Variants in DHX30 observed in about 807,000 individuals in gnomAD.
The protein encoded by DHX30 is DExH-box helicase 30, also known as ATP-dependent RNA helicase DHX30.
Under a neutral mutation model 116.9 loss-of-function variants are expected in DHX30, and 4 were observed. That is an observed-to-expected ratio of 0.03 (90% confidence interval 0.02 to 0.08). The LOEUF is 0.08. Among genes scored for constraint, DHX30 ranks in the 10% least tolerant of loss-of-function variants. DHX30 has a pLI of 1.00. For synonymous variants in DHX30, 697 were observed against 651.7 expected (o/e 1.07, Z -1.06); for missense variants, 871 against 1,595.1 (o/e 0.55, Z 7.73).
chr3:47,809,194 T>C (rs2035672074), intron 2 of DHX30, among the ~76,000 whole-genome samples: 1 of 151,664 alleles, frequency 6.6e-6, no homozygotes, highest in Non-Finnish European at 1.5e-5. Context: ...ACACACTTTT[T>C]ATTTTCATTT....
At chr3:47,835,387 C>T (rs1240873200) in intron 6 of DHX30, among the ~76,000 whole-genome samples, 9 of 152,184 alleles carry the variant, frequency 5.9e-5, no homozygotes, top group East Asian at 1.9e-4. Context: ...AGGCTGGTCT[C>T]GAACTCCTGA....
chr3:47,822,991 G>T (rs1325591608), intron 4 of DHX30, among the ~76,000 whole-genome samples: 1 of 150,806 alleles, frequency 6.6e-6, no homozygotes, highest in Non-Finnish European at 1.5e-5. Context: ...TACTTGGGGG[G>T]CTGAGCCAGG....
At chr3:47,829,314 A>ATATTT (rs1177077114) in intron 6 of DHX30, among the ~76,000 whole-genome samples, 180 bp downstream of exon 6, 53 of 34,186 alleles carry the variant, frequency 1.6e-3, no homozygotes, top group Admixed American at 2.6e-3. Flanking sequence ...ATATATATAT[A>ATATTT]TTTTTTTTTT....
intron 10 of DHX30, 68 bp from the exon 11 acceptor site, chr3:47,846,097 A>AGAGT: frequency 6.5e-7 from 1 of 1,529,076 alleles, no homozygotes; most frequent in South Asian, 1.2e-5. Flanking sequence ...CGAATCCTGC[A>AGAGT]GAGTGGCTGG....
At chr3:47,835,689 G>A (rs541952556) in intron 6 of DHX30, among the ~76,000 whole-genome samples, 9 of 152,310 alleles carry the variant, frequency 5.9e-5, no homozygotes, top group East Asian at 3.9e-4. Flanking sequence ...TGGTCCACCC[G>A]CCTCAGCCTC....
At position 47,848,676 on chromosome 3, in the gene DHX30, C is replaced by G. The variant is rs1342716640; in HGVS notation, c.2628C>G (p.His876Gln). 1 of 1,614,106 alleles carries G rather than the reference C, an allele frequency of 6.2e-7. No individual in the cohort carries two copies. The highest frequency in any genetic ancestry group is 8.5e-7 in the Non-Finnish European group (1 of 1,179,990). ...YLTTLGQRLA[H>Q]ISTDPRLAKA... Reference sequence around the variant, plus strand: ...CTACCCTGGGGCAGCGCCTGGCTCACATCTCCACCGACCCCCGGTTGGCCA... The same window carrying G: ...CTACCCTGGGGCAGCGCCTGGCTCAGATCTCCACCGACCCCCGGTTGGCCA... The change falls in exon 17 of 22, where the codon CAC (histidine) becomes CAG (glutamine). Residue 876 changes from histidine to glutamine, a missense_variant. His to Gln is a conservative substitution (Grantham distance 24, BLOSUM62 0). This residue lies in a region of DHX30 where 238 missense variants were observed against 481.0 expected (regional missense o/e 0.49). Transcript: ENST00000445061. The surrounding 1 kb of genome is among the most constrained non-coding windows in gnomAD (Gnocchi z 9.4).
intron 6 of DHX30, among the ~76,000 whole-genome samples, chr3:47,832,537 A>T (rs756924381): frequency 3.3e-5 from 5 of 151,946 alleles, no homozygotes; most frequent in Non-Finnish European, 7.4e-5. Flanking sequence ...TCTGTGTTTA[A>T]TGTCTCGAAA....
chr3:47,814,266 AAAAAATAAAAAT>A (rs1402428003), intron 3 of DHX30, among the ~76,000 whole-genome samples: 14 of 150,816 alleles, frequency 9.3e-5, no homozygotes, highest in African/African-American at 3.4e-4. Context: ...CTCTACTAAA[AAAAAATAAAAAT>A]AAAAATAAAA....
rs760752602 is a variant in DHX30, at chr3:47,846,482, G to T, written c.1410G>T (p.Leu470=). Residue 470 remains leucine (L), a synonymous_variant, in exon 11 of 22, where the codon CTG becomes CTT. Transcript: ENST00000445061. ...GCGKTTRIPQ[L]LLERYVTEGR... ...GGAAGACCACGCGCATCCCCCAGCT[G>T]TTGCTGGAGCGCTATGTGACCGAGG... 1 of 1,614,126 alleles carries T rather than the reference G, an allele frequency of 6.2e-7. No individual in the cohort carries two copies. Among genetic ancestry groups the T allele is most frequent in the South Asian group, 1.1e-5 (1 of 91,086 alleles).
intron 6 of DHX30, 150 bp downstream of exon 6, chr3:47,829,284 TGA>T (rs1293222725): frequency 1.0e-5 from 2 of 197,518 alleles, no homozygotes; most frequent in Non-Finnish European, 1.8e-5. Context: ...GTTCAGCCAA[TGA>T]GATATATATA....
chr3:47,836,168 AGTGCAATG>A (rs1260611608), intron 6 of DHX30, among the ~76,000 whole-genome samples: 5 of 152,166 alleles, frequency 3.3e-5, no homozygotes, highest in African/African-American at 4.8e-5. Context: ...CCCAGGCTAG[AGTGCAATG>A]GTGCAATGGC....
intron 3 of DHX30, 146 bp downstream of exon 3, chr3:47,810,857 T>C (rs2035756532): frequency 1.2e-6 from 1 of 810,724 alleles, no homozygotes; most frequent in East Asian, 2.5e-5. Context: ...GCCTTCCTTT[T>C]GCATGGTGCT....
Position 47,827,428 on chromosome 3 carries a change from A to T in DHX30, c.206A>T (p.His69Leu). Residue 69 changes from histidine to leucine, a missense_variant, in exon 5 of 22, where the codon CAT becomes CTT. Physicochemically the swap from His to Leu is moderately conservative, Grantham distance 99. Transcript: ENST00000445061. ...SVIGRALGIS[H>L]AKDKLVYVHT... Reference sequence around the variant, plus strand: ...ATTGGAAGAGCCCTCGGCATCTCACATGCAAAAGACAAACTAGTCTACGTG... The same window carrying T: ...ATTGGAAGAGCCCTCGGCATCTCACTTGCAAAAGACAAACTAGTCTACGTG... 1 of 1,614,100 alleles carries T rather than the reference A, an allele frequency of 6.2e-7. No individual in the cohort carries two copies. The highest frequency in any genetic ancestry group is 8.5e-7 in the Non-Finnish European group (1 of 1,179,980).
rs992974397 is a variant in DHX30, at chr3:47,816,766, G to C, written c.29-1256G>C. 5.1e-6 allele frequency: 5 copies of C among 985,314 alleles called. 1 individual carries two copies. The highest frequency in any genetic ancestry group is 9.4e-5 in the South Asian group (2 of 21,286). 61.0% of individuals were successfully genotyped at this position (985,314 alleles called of 1,614,324 possible). ...AAGGAGTGTGTGCAGCTGGGACTGT[G>C]GGGGAGGAGGGTTGGAGTGCAGGAC... On this transcript the variant is annotated intron_variant, in intron 3 of 21. Transcript: ENST00000445061.
intron 4 of DHX30, chr3:47,825,348 C>T (rs2036504806): frequency 1.9e-6 from 1 of 538,688 alleles, no homozygotes; most frequent in African/African-American, 2.0e-5. Flanking sequence ...GCCGGGGGTC[C>T]TCTCTTCCAT....
chr3:47,820,035 G>A (rs1316055746), intron 4 of DHX30, among the ~76,000 whole-genome samples: 5 of 152,164 alleles, frequency 3.3e-5, no homozygotes, highest in South Asian at 2.1e-4. Context: ...GTGGCTGGCC[G>A]GGCATGGTGG....
At chr3:47,841,306 T>C in intron 7 of DHX30, 128 bp downstream of exon 7, 1 of 1,373,636 alleles carries the variant, frequency 7.3e-7, no homozygotes. Flanking sequence ...GTGTGCCCCA[T>C]CACTCAGTGT....
chr3:47,814,852 T>C (rs2035981067), intron 3 of DHX30, among the ~76,000 whole-genome samples: 2 of 151,946 alleles, frequency 1.3e-5, no homozygotes, highest in African/African-American at 4.8e-5. Flanking sequence ...TTTGTTTTGT[T>C]CTGTATTTTT....
At chr3:47,810,737 C>T in intron 3 of DHX30, 26 bp downstream of exon 3, 1 of 1,612,140 alleles carries the variant, frequency 6.2e-7, no homozygotes, top group South Asian at 1.1e-5. Flanking sequence ...TGCTTGTGAC[C>T]TCATGCCCTT....
Sources: allele counts gnomAD v4.1 joint callset (sites outside exome capture counted in the v4.1 genomes callset), GRCh38; gene constraint gnomAD v4.1.1; regional missense constraint gnomAD v4.1.1; non-coding constraint Gnocchi (gnomAD v3.1); transcripts MANE v1.5; gene names NCBI Gene and HGNC (gene_info 2026-07-23, HGNC 2026-07-21).